Variants in DNPH1 observed in about 807,000 individuals in gnomAD.
The protein encoded by DNPH1 is 2'-deoxynucleoside 5'-phosphate N-hydrolase 1, also known as 5-hydroxymethyl-dUMP N-hydrolase.
A neutral mutation model predicts 15.7 loss-of-function variants in DNPH1; 18 were observed. The observed-to-expected ratio is 1.15, with a 90% CI of 0.79 to 1.70. The LOEUF is 1.70. Among genes scored for constraint, DNPH1 ranks in the 40% most tolerant of loss-of-function variants. DNPH1 has a pLI of 0.00. For missense variants in DNPH1, 262 were observed against 255.2 expected, an observed-to-expected ratio of 1.03 and a Z score of -0.18; for synonymous variants, 114 against 107.9, an observed-to-expected ratio of 1.06 and a Z score of -0.35.
At position 43,226,491 on chromosome 6, in the gene DNPH1, G is replaced by T; in HGVS notation, c.197-96C>A. Reference sequence around the variant, plus strand: ...TCCATACCCACCCTGCTCAGGGAGGGTGGGAGCCTTGTGCCAGATGACCTG... The same window carrying T: ...TCCATACCCACCCTGCTCAGGGAGGTTGGGAGCCTTGTGCCAGATGACCTG... On this transcript the variant is annotated intron_variant, in intron 1 of 3. Coordinates refer to ENST00000230431, the MANE Select transcript of DNPH1 (RefSeq NM_006443.3). The surrounding 1 kb of genome is among the most constrained non-coding windows in gnomAD (Gnocchi z 4.1). 1.7e-6 allele frequency: 2 copies of T among 1,157,880 alleles called. No individual in the cohort carries two copies. The highest frequency in any genetic ancestry group is 1.6e-5 in the South Asian group (1 of 64,296). 71.7% of individuals were successfully genotyped at this position (1,157,880 alleles called of 1,614,324 possible).
At position 43,226,265 on chromosome 6, in the gene DNPH1, A is replaced by C; in HGVS notation, c.265+62T>G. ...GTCCCTTCTAGGTGTGGAGGCTGGG[A>C]TGTCCAGGGGAACCCAGCACTCCAG... On this transcript the variant is annotated intron_variant, in intron 2 of 3. Coordinates refer to ENST00000230431, the MANE Select transcript of DNPH1 (RefSeq NM_006443.3). The surrounding 1 kb of genome is among the most constrained non-coding windows in gnomAD (Gnocchi z 4.1). 2 of 1,600,864 alleles carry C rather than the reference A, an allele frequency of 1.2e-6. No individual in the cohort carries two copies. The highest frequency in any genetic ancestry group is 1.7e-6 in the Non-Finnish European group (2 of 1,173,600).
At chr6:43,227,061 C>T (rs149602174) in intron 1 of DNPH1, among the ~76,000 whole-genome samples, 5,203 of 151,638 alleles carry the variant, frequency 0.034, 183 homozygotes, top group African/African-American at 0.096. Flanking sequence ...GAGCTGAGAT[C>T]GCACCACTGC....
At position 43,225,641 on chromosome 6, in the gene DNPH1, C is replaced by T. The variant is rs1457312031; in HGVS notation, c.*92G>A. On this transcript the variant is annotated 3_prime_UTR_variant, in exon 4 of 4. Coordinates refer to ENST00000230431, the MANE Select transcript of DNPH1 (RefSeq NM_006443.3). ...ACAAGACAGAAAGTTAGGATTTTAA[C>T]TGTACCTTTTAATTTGCTCCTGGGG... is the stretch of plus-strand genomic sequence containing the variant. 4.0e-6 allele frequency: 6 copies of T among 1,503,032 alleles called. No individual in the cohort carries two copies. The allele number at this position is 1,503,032 out of a possible 1,614,324, so 93.1% of individuals were successfully genotyped here. A position where few individuals can be genotyped will look rare whatever the true frequency, so the allele number is the denominator to read the frequency against.
rs144004836 is a variant in DNPH1 at position 43,226,138 on chromosome 6, C to G, written c.271G>C (p.Val91Leu). 6.2e-7 allele frequency: 1 copy of G among 1,613,136 alleles called. No individual in the cohort carries two copies. Among genetic ancestry groups the G allele is most frequent in the East Asian group, 2.2e-5 (1 of 44,892 alleles). Residue 91 changes from valine (V) to leucine (L), a missense_variant, in exon 3 of 4, where the codon GTG becomes CTG. By Grantham distance (32) the Val-to-Leu change is conservative. Transcript: ENST00000230431. The surrounding 1 kb of genome is among the most constrained non-coding windows in gnomAD (Gnocchi z 4.1). ...AAGGATGGCTGTGTCACTTCTGCCACGACCACTGGGAGGAAAGATGAGAGG... is the reference window on the plus strand; with the variant it reads ...AAGGATGGCTGTGTCACTTCTGCCAGGACCACTGGGAGGAAAGATGAGAGG... ...LEWLQQADVV[V>L]AEVTQPSLGV...
chr6:43,229,265 C>G lies in DNPH1; in HGVS notation c.192G>C (p.Ala64=), dbSNP rs1356975548. ...TEHVAAAELG[A]RGEEAAGGDR... is the part of the protein sequence containing the mutation. ...CCCGCGGCCCCAGGGCCTCACCGCG[C>G]GCGCCCAGCTCGGCGGCCGCCACGT... The change falls in exon 1 of 4, where the codon GCG becomes GCC. Residue 64 remains alanine (A), a synonymous_variant. Coordinates refer to ENST00000230431, the MANE Select transcript of DNPH1 (RefSeq NM_006443.3). The G allele has an allele frequency of 7.0e-6, 10 of 1,422,780 alleles. No homozygotes were observed. Among genetic ancestry groups the G allele is most frequent in the Admixed American group, 5.3e-5 (2 of 37,438 alleles). The allele number at this position is 1,422,780 out of a possible 1,614,324, so 88.1% of individuals were successfully genotyped here. A position where few individuals can be genotyped will look rare whatever the true frequency, so the allele number is the denominator to read the frequency against.
intron 1 of DNPH1, 125 bp downstream of exon 1, chr6:43,229,136 G>T: frequency 9.9e-7 from 1 of 1,014,592 alleles, no homozygotes; most frequent in Admixed American, 3.2e-5. Flanking sequence ...CACCGGGGTA[G>T]GAGGGCGGGC....
chr6:43,228,995 A>G, intron 1 of DNPH1: 1 of 362,026 alleles, frequency 2.8e-6, no homozygotes, highest in South Asian at 2.2e-5. Flanking sequence ...AAGCAGCTGA[A>G]GACAGAGTTC....
At chr6:43,229,184 G>C (rs748134607) in intron 1 of DNPH1, 77 bp downstream of exon 1, 9 of 1,269,940 alleles carry the variant, frequency 7.1e-6, no homozygotes, top group Admixed American at 7.8e-5. Context: ...GGGTCGGGGG[G>C]GCGGACAGGC....
chr6:43,226,407 G>A lies in DNPH1; in HGVS notation c.197-12C>T. 6.2e-7 allele frequency: 1 copy of A among 1,609,518 alleles called. No homozygotes were observed. On this transcript the variant is annotated splice_polypyrimidine_tract_variant and intron_variant, in intron 1 of 3. Coordinates refer to ENST00000230431, the MANE Select transcript of DNPH1 (RefSeq NM_006443.3). The surrounding 1 kb of genome is among the most constrained non-coding windows in gnomAD (Gnocchi z 4.1). ...AGCAGCCTCTTCCCCTGTGTTGAGG[G>A]AAAGCTGGTCAAGGACATGCCTCAT...
At position 43,226,520 on chromosome 6, in the gene DNPH1, A is replaced by G. The variant is rs115325354; in HGVS notation, c.197-125T>C. 1.2e-3 allele frequency: 957 copies of G among 766,820 alleles called. 6 individuals are homozygous for G. In the African/African-American group the frequency reaches 0.015, roughly 12 times the overall value. 47.5% of individuals were successfully genotyped at this position (766,820 alleles called of 1,614,324 possible). On this transcript the variant is annotated intron_variant, in intron 1 of 3. Coordinates refer to ENST00000230431, the MANE Select transcript of DNPH1 (RefSeq NM_006443.3). This position sits in a 1 kb window ranked among gnomAD's most constrained non-coding sequence, Gnocchi z 4.1. Reference sequence around the variant, plus strand: ...GAGCCTTGTGCCAGATGACCTGACCAAACATGACAATCTCATCAAAGCAGC... The same window carrying G: ...GAGCCTTGTGCCAGATGACCTGACCGAACATGACAATCTCATCAAAGCAGC...
intron 1 of DNPH1, 94 bp downstream of exon 1, chr6:43,229,167 C>G (rs1453491768): frequency 8.1e-7 from 1 of 1,231,896 alleles, no homozygotes; most frequent in Admixed American, 3.7e-5. Context: ...GGGAGCGCAG[C>G]TGCCGGGGGT....
Position 43,229,412 on chromosome 6 carries a change from G to T in DNPH1, c.45C>A (p.Arg15=). ...MVPGRSESWE[R]GEPGRPALYF... is the part of the protein sequence containing the mutation. ...ACAGGGCCGGGCGGCCAGGCTCCCC[G>T]CGCTCCCAGCTCTCGCTGCGCCCCG... Residue 15 remains arginine (R), a synonymous_variant, in exon 1 of 4, where the codon CGC becomes CGA. Coordinates refer to ENST00000230431, the MANE Select transcript of DNPH1 (RefSeq NM_006443.3). 7.0e-7 allele frequency: 1 copy of T among 1,422,552 alleles called. No individual in the cohort carries two copies. 88.1% of individuals were successfully genotyped at this position (1,422,552 alleles called of 1,614,324 possible).
intron 3 of DNPH1, 68 bp downstream of exon 3, chr6:43,225,965 G>C: frequency 6.2e-7 from 1 of 1,613,228 alleles, no homozygotes; most frequent in South Asian, 1.1e-5. Context: ...GCGGTGCTCA[G>C]AGCCCACCAG....
chr6:43,226,138 C>T lies in DNPH1; in HGVS notation c.271G>A (p.Val91Met), dbSNP rs144004836. ...LEWLQQADVV[V>M]AEVTQPSLGV... ...AAGGATGGCTGTGTCACTTCTGCCA[C>T]GACCACTGGGAGGAAAGATGAGAGG... The change falls in exon 3 of 4, where the codon GTG (valine) becomes ATG (methionine). Residue 91 changes from valine (V) to methionine (M), a missense_variant. Physicochemically the swap from Val to Met is conservative, Grantham distance 21 (BLOSUM62 1). Coordinates refer to ENST00000230431, the MANE Select transcript of DNPH1 (RefSeq NM_006443.3). The surrounding 1 kb of genome is among the most constrained non-coding windows in gnomAD (Gnocchi z 4.1). The T allele has an allele frequency of 1.1e-4, 171 of 1,613,018 alleles. No individual in the cohort carries two copies. The East Asian group carries it at 1.7e-3, about 16-fold the overall frequency.
In DNPH1 at chr6:43,229,322, C is replaced by G; in HGVS notation, c.135G>C (p.Arg45=). 6.7e-7 allele frequency: 1 copy of G among 1,489,316 alleles called. No individual in the cohort carries two copies. The highest frequency in any genetic ancestry group is 8.9e-7 in the Non-Finnish European group (1 of 1,122,852). 92.3% of individuals were successfully genotyped at this position (1,489,316 alleles called of 1,614,324 possible). The part of the protein sequence containing the change: ...DRTLYERIVS[R]LRRFGTVLTE... ...TGAGCACTGTCCCGAATCGCCGCAG[C>G]CGAGACACGATCCGCTCGTACAGCG... The change falls in exon 1 of 4, where the codon CGG becomes CGC. Residue 45 remains arginine, a synonymous_variant. Coordinates refer to ENST00000230431, the MANE Select transcript of DNPH1 (RefSeq NM_006443.3).
In DNPH1 at chr6:43,226,310, G is replaced by A. The variant is rs761701555; in HGVS notation, c.265+17C>T. 19 of 1,611,054 alleles carry A rather than the reference G, an allele frequency of 1.2e-5. No individual in the cohort carries two copies. The highest frequency in any genetic ancestry group is 1.6e-5 in the Non-Finnish European group (19 of 1,179,492). ...CTCCAGAGGAGTTAGGTGCTGGAAGGAGGGAGCGCCACTCACCGTCCGCCT... is the reference window on the plus strand; with the variant it reads ...CTCCAGAGGAGTTAGGTGCTGGAAGAAGGGAGCGCCACTCACCGTCCGCCT... On this transcript the variant is annotated intron_variant, in intron 2 of 3. Transcript: ENST00000230431. The surrounding 1 kb of genome is among the most constrained non-coding windows in gnomAD (Gnocchi z 4.1).
intron 1 of DNPH1, among the ~76,000 whole-genome samples, chr6:43,228,424 C>T (rs1776774324): frequency 6.6e-6 from 1 of 152,198 alleles, no homozygotes; most frequent in African/African-American, 2.4e-5. Context: ...TGCACTCCAG[C>T]CTGGGCGACA....
chr6:43,226,089 C>A lies in DNPH1; in HGVS notation c.320G>T (p.Arg107Leu), dbSNP rs1018965769. The change falls in exon 3 of 4, where the codon CGG (arginine) becomes CTG (leucine). Residue 107 changes from arginine (R) to leucine (L), a missense_variant. Transcript: ENST00000230431. This position sits in a 1 kb window ranked among gnomAD's most constrained non-coding sequence, Gnocchi z 4.1. Reference protein sequence around the residue: ...PSLGVGYELGRAVAFNKRILC... With the variant: ...PSLGVGYELGLAVAFNKRILC... ...GATCCGCTTGTTAAAGGCCACGGCC[C>A]GGCCCAGCTCATAGCCTACACCCAA... is the stretch of plus-strand genomic sequence containing the variant. 1.2e-6 allele frequency: 2 copies of A among 1,613,640 alleles called. No homozygotes were observed. Among genetic ancestry groups the A allele is most frequent in the African/African-American group, 1.3e-5 (1 of 75,060 alleles).
chr6:43,226,139 G>A lies in DNPH1; in HGVS notation c.270C>T (p.Val90=), dbSNP rs7832. Residue 90 remains valine, a synonymous_variant, in exon 3 of 4, where the codon GTC becomes GTT. Coordinates refer to ENST00000230431, the MANE Select transcript of DNPH1 (RefSeq NM_006443.3). The surrounding 1 kb of genome is among the most constrained non-coding windows in gnomAD (Gnocchi z 4.1). ...DLEWLQQADV[V]VAEVTQPSLG... ...AGGATGGCTGTGTCACTTCTGCCAC[G>A]ACCACTGGGAGGAAAGATGAGAGGA... 149,873 of 1,612,784 alleles carry A rather than the reference G, an allele frequency of 0.093. 7,589 individuals are homozygous for A. Among genetic ancestry groups the A allele is most frequent in the Non-Finnish European group, 0.1 (122,103 of 1,179,846 alleles).
Sources: gnomAD v4.1 joint callset for allele counts (sites outside exome capture counted in the v4.1 genomes callset) on GRCh38, gnomAD v4.1.1 for gene constraint, Gnocchi (gnomAD v3.1) non-coding constraint, MANE v1.5 for transcripts, NCBI Gene and HGNC (gene_info 2026-07-23, HGNC 2026-07-21) for gene names.